KCNN2: variants seen among roughly 807,000 people sequenced by gnomAD.
KCNN2 encodes small conductance calcium-activated potassium channel protein 2.
In KCNN2, 24 loss-of-function variants were observed where a neutral mutation model predicts 55.5. That is an observed-to-expected ratio of 0.43 (90% CI 0.31 to 0.61). KCNN2 has a LOEUF of 0.61. KCNN2 is among the 20% of genes least tolerant of loss of function. KCNN2 has a pLI of 0.08. For synonymous variants in KCNN2, 431 were observed against 336.1 expected (o/e 1.28, Z -3.09); for missense variants, 754 against 853.6 (o/e 0.88, Z 1.45).
chr5:114,135,974 A>G (rs768285036), intron 1 of KCNN2, among the ~76,000 whole-genome samples: 1 of 152,154 alleles, frequency 6.6e-6, no homozygotes, highest in Non-Finnish European at 1.5e-5. Context: ...CTACATAAAG[A>G]AGGAACAGAG....
intron 2 of KCNN2, among the ~76,000 whole-genome samples, chr5:114,292,173 T>G (rs529320351): frequency 2.1e-4 from 32 of 152,342 alleles, no homozygotes; most frequent in African/African-American, 7.5e-4. Flanking sequence ...TTTCTTTTGC[T>G]GTGCAGAAGC....
chr5:114,168,387 T>C (rs1752963227), intron 1 of KCNN2, among the ~76,000 whole-genome samples: 2 of 152,050 alleles, frequency 1.3e-5, no homozygotes, highest in Admixed American at 1.3e-4. Context: ...CGCTACTTTA[T>C]CTCCTCAATT....
At chr5:114,088,793 G>T (rs1217350840) in intron 1 of KCNN2, among the ~76,000 whole-genome samples, 4 of 151,892 alleles carry the variant, frequency 2.6e-5, no homozygotes, top group Non-Finnish European at 4.4e-5. Flanking sequence ...CTAATTTTTT[G>T]TATTTTTAGT....
At chr5:114,494,259 G>T (rs1580935679) in intron 7 of KCNN2, among the ~76,000 whole-genome samples, 2 of 149,858 alleles carry the variant, frequency 1.3e-5, no homozygotes, top group Non-Finnish European at 1.5e-5. Context: ...CTTACAAACT[G>T]TTTTTTTTTG....
chr5:114,380,758 G>T (rs1197491077), intron 2 of KCNN2, among the ~76,000 whole-genome samples: 3 of 152,162 alleles, frequency 2.0e-5, no homozygotes, highest in Admixed American at 6.5e-5. Flanking sequence ...TGACCGGTTT[G>T]GGGGGCAGTT....
intron 2 of KCNN2, among the ~76,000 whole-genome samples, chr5:114,295,672 C>G (rs574928031): frequency 6.6e-6 from 1 of 152,244 alleles, no homozygotes; most frequent in Non-Finnish European, 1.5e-5. Context: ...AATGCCTCAC[C>G]CTGCTTCAGC....
chr5:114,463,189 T>C lies in KCNN2; in HGVS notation c.1778T>C (p.Met593Thr), dbSNP rs1029629198. 5 of 1,610,998 alleles carry C rather than the reference T, an allele frequency of 3.1e-6. No homozygotes were observed. The Admixed American group carries it at 5.0e-5, about 16-fold the overall frequency. ...GGAGTCTGCTTACTTACTGGAATTA[T>C]GGTAAGTGTCTTTATACTTCACATC... is the stretch of plus-strand genomic sequence containing the variant. ...GKGVCLLTGI[M>T]GAGCTALVVA... Residue 593 changes from methionine (M) to threonine (T), a missense_variant and splice_region_variant, in exon 4 of 8, where the codon ATG (methionine) becomes ACG (threonine). By Grantham distance (81) the Met-to-Thr change is moderately conservative (BLOSUM62 -1). Coordinates refer to ENST00000673685, the MANE Select transcript of KCNN2 (RefSeq NM_021614.4).
chr5:114,271,087 G>A (rs1416511718), intron 2 of KCNN2, among the ~76,000 whole-genome samples: 4 of 152,246 alleles, frequency 2.6e-5, no homozygotes, highest in Non-Finnish European at 4.4e-5. Context: ...GCTGGCTCAG[G>A]TGGCCAGCTT....
At chr5:114,476,053 ATACTTT>A (rs1761950228) in intron 5 of KCNN2, among the ~76,000 whole-genome samples, 1 of 151,410 alleles carries the variant, frequency 6.6e-6, no homozygotes, top group Admixed American at 6.6e-5. Context: ...TTTTTAAATT[ATACTTT>A]AAGTTTTAGG....
At chr5:114,409,596 G>T (rs1759060181) in intron 3 of KCNN2, among the ~76,000 whole-genome samples, 1 of 152,066 alleles carries the variant, frequency 6.6e-6, no homozygotes, top group African/African-American at 2.4e-5. Context: ...TTTATTTTTA[G>T]TTAATTAGAT....
chr5:114,208,565 C>G (rs573561600), intron 1 of KCNN2, among the ~76,000 whole-genome samples: 28 of 152,228 alleles, frequency 1.8e-4, no homozygotes, highest in African/African-American at 6.5e-4. Flanking sequence ...ATTAGGATAA[C>G]CTGGGATGCT....
chr5:114,115,078 C>T (rs71579446), intron 1 of KCNN2, among the ~76,000 whole-genome samples: 2,375 of 152,166 alleles, frequency 0.016, 56 homozygotes, highest in Admixed American at 0.067. Flanking sequence ...AGTTCTAATT[C>T]TCTTTCTTCA....
At chr5:114,162,388 C>T (rs560518346) in intron 1 of KCNN2, among the ~76,000 whole-genome samples, 9 of 152,234 alleles carry the variant, frequency 5.9e-5, no homozygotes, top group Admixed American at 3.3e-4. Context: ...AGTACCCGGC[C>T]GTTTGAGGTG....
chr5:114,249,124 T>C (rs370422079), intron 2 of KCNN2, among the ~76,000 whole-genome samples: 2 of 152,022 alleles, frequency 1.3e-5, no homozygotes, highest in East Asian at 3.9e-4. Flanking sequence ...GAATAGACAA[T>C]CAAAATAGCA....
In KCNN2 at chr5:114,463,166, A is replaced by T; in HGVS notation, c.1755A>T (p.Gly585=). The change falls in exon 4 of 8, where the codon GGA becomes GGT. Residue 585 remains glycine (G), a synonymous_variant. Transcript: ENST00000673685. ...DMVPNTYCGK[G]VCLLTGIMGA... is the part of the protein sequence containing the mutation. The stretch of plus-strand genomic sequence containing the variant: ...TACCTAACACATACTGTGGAAAAGG[A>T]GTCTGCTTACTTACTGGAATTATGG... The T allele has an allele frequency of 6.2e-7, 1 of 1,612,076 alleles. No individual in the cohort carries two copies. Among genetic ancestry groups the T allele is most frequent in the Non-Finnish European group, 8.5e-7 (1 of 1,179,212 alleles).
chr5:114,121,373 A>T, intron 1 of KCNN2, among the ~76,000 whole-genome samples: 1 of 152,066 alleles, frequency 6.6e-6, no homozygotes, highest in African/African-American at 2.4e-5. Context: ...GATTGATGTG[A>T]TCATTCCAGG....
chr5:114,390,632 C>G (rs981693679), intron 2 of KCNN2, among the ~76,000 whole-genome samples: 1 of 152,106 alleles, frequency 6.6e-6, no homozygotes, highest in Non-Finnish European at 1.5e-5. Flanking sequence ...TCTGCAGTTA[C>G]AGAGCTCATC....
In KCNN2 at chr5:114,318,556, CA is replaced by C. The variant is rs1437828846; in HGVS notation, c.-184-42387del. 7.5e-4 allele frequency among the ~76,000 whole-genome samples: 114 copies of C among 151,424 alleles called. 2 individuals carry two copies. The highest frequency in any genetic ancestry group is 2.6e-3 in the African/African-American group (106 of 41,330). ...ATATATAATCATACACTTATCATAA[CA>C]ATGATAATATCATAATGTAATTTTG... On this transcript the variant is annotated intron_variant, in intron 2 of 10. Transcript: ENST00000512097.
intron 1 of KCNN2, among the ~76,000 whole-genome samples, chr5:114,093,427 G>A (rs1751190344): frequency 6.6e-6 from 1 of 152,288 alleles, no homozygotes; most frequent in South Asian, 2.1e-4. Flanking sequence ...GCCTCTGCCT[G>A]TTATCCAGTT....
Sources: gnomAD v4.1 joint callset for allele counts (sites outside exome capture counted in the v4.1 genomes callset) on GRCh38, gnomAD v4.1.1 for gene constraint, MANE v1.5 for transcripts, NCBI Gene and HGNC (gene_info 2026-07-23, HGNC 2026-07-21) for gene names.